PPIP5K2: variants seen among roughly 807,000 people sequenced by gnomAD.
PPIP5K2 encodes inositol hexakisphosphate and diphosphoinositol-pentakisphosphate kinase 2.
A neutral mutation model predicts 154.6 loss-of-function variants in PPIP5K2; 105 were observed. The ratio of observed to expected loss-of-function variants is 0.68; its 90% CI spans 0.58 to 0.80. The LOEUF (loss-of-function observed/expected upper bound fraction) is 0.80, where lower values mean the gene tolerates loss of function less well. PPIP5K2 is among the 30% of genes least tolerant of loss of function. The probability of loss-of-function intolerance (pLI) is 0.00; values close to 1 mark genes in which losing one functional copy is unlikely to be tolerated. For missense variants in PPIP5K2, 992 were observed against 1,504.6 expected (o/e 0.66, Z 5.64); for synonymous variants, 480 against 490.3 (o/e 0.98, Z 0.28).
intron 3 of PPIP5K2, among the ~76,000 whole-genome samples, chr5:103,135,300 A>G (rs1791286055): frequency 6.6e-6 from 1 of 152,210 alleles, no homozygotes; most frequent in Non-Finnish European, 1.5e-5. Context: ...AGAGACGTTA[A>G]ATAAATTTGC....
At chr5:103,157,103 C>A (rs567529484) in intron 14 of PPIP5K2, among the ~76,000 whole-genome samples, 1 of 152,236 alleles carries the variant, frequency 6.6e-6, no homozygotes, top group South Asian at 2.1e-4. Context: ...GCTCACAGAA[C>A]CGCTAACTTG....
chr5:103,159,346 C>G lies in PPIP5K2; in HGVS notation c.1920+18C>G, dbSNP rs782562834. 1 of 1,567,596 alleles carries G rather than the reference C, an allele frequency of 6.4e-7. No homozygotes were observed. Among genetic ancestry groups the G allele is most frequent in the South Asian group, 1.2e-5 (1 of 85,620 alleles). ...ATGAAAAGGTGGGTCTTAGCAAACTCTTATATTGTGAAATATTACACACAC... is the reference window on the plus strand; with the variant it reads ...ATGAAAAGGTGGGTCTTAGCAAACTGTTATATTGTGAAATATTACACACAC... On this transcript the variant is annotated intron_variant, in intron 17 of 30. Coordinates refer to ENST00000358359, the MANE Select transcript of PPIP5K2 (RefSeq NM_001276277.3).
chr5:103,139,494 C>T (rs1792180195), intron 5 of PPIP5K2, among the ~76,000 whole-genome samples: 1 of 152,196 alleles, frequency 6.6e-6, no homozygotes, highest in African/African-American at 2.4e-5. Context: ...CTGCAGTGAC[C>T]TCAGGCTTAG....
At chr5:103,181,461 G>A (rs1396281857) in intron 24 of PPIP5K2, among the ~76,000 whole-genome samples, 1 of 151,924 alleles carries the variant, frequency 6.6e-6, no homozygotes, top group East Asian at 1.9e-4. Context: ...CCAGCTACTT[G>A]GGAGGCTGAG....
chr5:103,159,312 C>T lies in PPIP5K2; in HGVS notation c.1904C>T (p.Ala635Val), dbSNP rs1554214875. 2 of 1,605,812 alleles carry T rather than the reference C, an allele frequency of 1.2e-6. No individual in the cohort carries two copies. The highest frequency in any genetic ancestry group is 1.7e-6 in the Non-Finnish European group (2 of 1,177,468). Reference protein sequence around the residue: ...EILQKDRDFTAEDYEKLTPSG... With the variant: ...EILQKDRDFTVEDYEKLTPSG... ...CTTCAGAAAGACAGAGATTTTACTG[C>T]TGAAGATTATGAAAAGGTGGGTCTT... The change falls in exon 17 of 31, where the codon GCT (alanine) becomes GTT (valine). Residue 635 changes from alanine to valine, a missense_variant. Around this residue, in one of 9 missense-constraint regions of PPIP5K2, gnomAD observed 82 missense variants for 91.8 expected, o/e 0.89. Transcript: ENST00000358359.
At chr5:103,161,007 G>A (rs1159171859) in intron 17 of PPIP5K2, among the ~76,000 whole-genome samples, 8 of 148,256 alleles carry the variant, frequency 5.4e-5, no homozygotes, top group African/African-American at 1.3e-4. Context: ...TGTGCACGAC[G>A]TGCAGATTTG....
At chr5:103,201,257 T>C (rs1802946931) in intron 30 of PPIP5K2, among the ~76,000 whole-genome samples, 1 of 152,198 alleles carries the variant, frequency 6.6e-6, no homozygotes, top group African/African-American at 2.4e-5. Context: ...TAGTTAAAAA[T>C]TATGAAAATA....
At chr5:103,190,138 T>C (rs1389202316) in intron 28 of PPIP5K2, among the ~76,000 whole-genome samples, 7 of 152,098 alleles carry the variant, frequency 4.6e-5, no homozygotes, top group Admixed American at 4.6e-4. Context: ...ATGGTATTAA[T>C]ACATATTTGC....
At chr5:103,193,296 T>G (rs1801550879) in intron 29 of PPIP5K2, among the ~76,000 whole-genome samples, 3 of 152,052 alleles carry the variant, frequency 2.0e-5, no homozygotes, top group African/African-American at 7.2e-5. Context: ...ATTTATTAAA[T>G]TATAGGATAT....
At chr5:103,155,032 A>C in intron 13 of PPIP5K2, 89 bp downstream of exon 13, 1 of 721,844 alleles carries the variant, frequency 1.4e-6, no homozygotes, top group Non-Finnish European at 2.1e-6. Context: ...TTACTTTCAC[A>C]GTCTGATCTT....
At chr5:103,126,847 C>T (rs561230257) in intron 1 of PPIP5K2, among the ~76,000 whole-genome samples, 1 of 151,616 alleles carries the variant, frequency 6.6e-6, no homozygotes, top group South Asian at 2.1e-4. Context: ...TCCCGGAACA[C>T]TGACTCAAAT....
chr5:103,146,152 T>C (rs1172568360), intron 5 of PPIP5K2, among the ~76,000 whole-genome samples: 1 of 152,104 alleles, frequency 6.6e-6, no homozygotes. Flanking sequence ...AGCTACTTTC[T>C]AACTTAAATA....
At chr5:103,158,645 G>A in intron 16 of PPIP5K2, 72 bp downstream of exon 16, 1 of 1,298,748 alleles carries the variant, frequency 7.7e-7, no homozygotes, top group Non-Finnish European at 1.0e-6. Flanking sequence ...TTTTTGGCTG[G>A]GCGCAGTGGC....
chr5:103,204,654 T>A lies in PPIP5K2; in HGVS notation c.*3020T>A, dbSNP rs1291849817. The A allele has an allele frequency of 6.6e-6, 1 of 152,138 alleles. No homozygotes were observed. Among genetic ancestry groups the A allele is most frequent in the Non-Finnish European group, 1.5e-5 (1 of 68,008 alleles). 9.4% of individuals were successfully genotyped at this position (152,138 alleles called of 1,614,324 possible). A position where few individuals can be genotyped will look rare whatever the true frequency, so the allele number is the denominator to read the frequency against. ...CTCCTTCAGAAGGAGTCATTTGTGA[T>A]TGGAGTCCACATAGAAACAGGTTTC... On this transcript the variant is annotated 3_prime_UTR_variant, in exon 31 of 31. Coordinates refer to ENST00000358359, the MANE Select transcript of PPIP5K2 (RefSeq NM_001276277.3).
rs1794992256 is a variant in PPIP5K2 at position 103,153,774 on chromosome 5, G to A, written c.1131-74G>A. On this transcript the variant is annotated intron_variant, in intron 10 of 30. Transcript: ENST00000358359. ...GATGGCTTTAAATAGATGACTAAAT[G>A]TTCATATTAATCTGAATTATACAAC... The A allele has an allele frequency of 5.9e-6, 6 of 1,011,776 alleles. No homozygotes were observed. In the African/African-American group the frequency reaches 6.8e-5, roughly 11 times the overall value. 62.7% of individuals were successfully genotyped at this position (1,011,776 alleles called of 1,614,324 possible).
At chr5:103,152,805 TA>T (rs1794834276) in intron 10 of PPIP5K2, 56 bp downstream of exon 10, 2 of 1,193,034 alleles carry the variant, frequency 1.7e-6, no homozygotes, top group Non-Finnish European at 2.4e-6. Context: ...TCTGTGCTAT[TA>T]GGATAAAAAT....
intron 1 of PPIP5K2, among the ~76,000 whole-genome samples, chr5:103,121,526 C>T (rs1431437839): frequency 6.6e-6 from 1 of 152,148 alleles, no homozygotes; most frequent in African/African-American, 2.4e-5. Context: ...TGTTCTTCCT[C>T]GATTTCAATT....
At chr5:103,144,498 G>A (rs1554208499) in intron 5 of PPIP5K2, among the ~76,000 whole-genome samples, 1 of 152,042 alleles carries the variant, frequency 6.6e-6, no homozygotes, top group Non-Finnish European at 1.5e-5. Context: ...AACAAAACTG[G>A]AGGAATCACA....
At position 103,147,943 on chromosome 5, in the gene PPIP5K2, A is replaced by T; in HGVS notation, c.655A>T (p.Ser219Cys). The T allele has an allele frequency of 6.3e-7, 1 of 1,585,414 alleles. No individual in the cohort carries two copies. Among genetic ancestry groups the T allele is most frequent in the Non-Finnish European group, 8.6e-7 (1 of 1,165,794 alleles). Reference sequence around the variant, plus strand: ...CTTTTGTTTTCAGATTGGCAGTAGAAGTAGTGTTTATTCTCCAGAAAGCAA... The same window carrying T: ...CTTTTGTTTTCAGATTGGCAGTAGATGTAGTGTTTATTCTCCAGAAAGCAA... ...QRLFRKIGSR[S>C]SVYSPESNVR... is the part of the protein sequence containing the mutation. The change falls in exon 7 of 31, where the codon AGT becomes TGT. Residue 219 changes from serine (S) to cysteine (C), a missense_variant. Coordinates refer to ENST00000358359, the MANE Select transcript of PPIP5K2 (RefSeq NM_001276277.3).
Sources: allele counts gnomAD v4.1 joint callset (sites outside exome capture counted in the v4.1 genomes callset), GRCh38; gene constraint gnomAD v4.1.1; regional missense constraint gnomAD v4.1.1; transcripts MANE v1.5; gene names NCBI Gene and HGNC (gene_info 2026-07-23, HGNC 2026-07-21).